The following TCF12 variants were observed in gnomAD, a reference collection of about 807,000 sequenced individuals.
TCF12 encodes transcription factor 12, also known as DNA-binding protein HTF4.
Under a neutral mutation model 86.0 loss-of-function variants are expected in TCF12, and 45 were observed. That is an observed-to-expected ratio of 0.52 (90% CI 0.41 to 0.67). The LOEUF (loss-of-function observed/expected upper bound fraction) is 0.67, where lower values mean the gene tolerates loss of function less well. Among genes scored for constraint, TCF12 ranks in the 30% least tolerant of loss-of-function variants. The probability of loss-of-function intolerance (pLI) is 0.00; values close to 1 mark genes in which losing one functional copy is unlikely to be tolerated. For synonymous variants in TCF12, 330 were observed against 299.6 expected (o/e 1.10, Z -1.05); for missense variants, 881 against 859.9 (o/e 1.02, Z -0.31).
intron 8 of TCF12, among the ~76,000 whole-genome samples, chr15:57,211,472 TA>T (rs1187210861): frequency 3.3e-5 from 5 of 152,154 alleles, no homozygotes; most frequent in African/African-American, 1.2e-4. Context: ...GCAATGGAGT[TA>T]TATATAACTA....
intron 18 of TCF12, among the ~76,000 whole-genome samples, chr15:57,272,179 C>A (rs1223466714): frequency 6.6e-6 from 1 of 152,168 alleles, no homozygotes; most frequent in African/African-American, 2.4e-5. Flanking sequence ...AACCCATTTG[C>A]TATTATTAAA....
intron 5 of TCF12, 48 bp downstream of exon 5, chr15:57,091,939 C>A: frequency 1.3e-6 from 2 of 1,515,056 alleles, no homozygotes; most frequent in South Asian, 1.1e-5. Flanking sequence ...CTTCTTTGGT[C>A]AGAGACATTT....
intron 3 of TCF12, among the ~76,000 whole-genome samples, chr15:57,037,331 C>T (rs2066565832): frequency 6.6e-6 from 1 of 152,042 alleles, no homozygotes; most frequent in Non-Finnish European, 1.5e-5. Context: ...ATCCCAGCAA[C>T]TTGGGAGGCT....
At chr15:57,227,727 G>T (rs72733934) in intron 8 of TCF12, among the ~76,000 whole-genome samples, 9,293 of 152,080 alleles carry the variant, frequency 0.061, 395 homozygotes, top group South Asian at 0.091. Flanking sequence ...ATTCTTAGAG[G>T]GGAAAGTATA....
intron 4 of TCF12, among the ~76,000 whole-genome samples, chr15:57,090,179 G>C (rs553649812): frequency 1.3e-5 from 2 of 152,056 alleles, no homozygotes; most frequent in Non-Finnish European, 2.9e-5. Flanking sequence ...TCACGCCACT[G>C]CACTCCAGCC....
intron 6 of TCF12, among the ~76,000 whole-genome samples, chr15:57,176,506 A>G (rs1203244956): frequency 6.6e-6 from 1 of 152,194 alleles, no homozygotes; most frequent in African/African-American, 2.4e-5. Context: ...ACTTGACCCT[A>G]TAAGCATAAT....
chr15:57,135,923 T>A (rs2052486892), intron 5 of TCF12, among the ~76,000 whole-genome samples: 2 of 146,120 alleles, frequency 1.4e-5, no homozygotes, highest in Non-Finnish European at 3.1e-5. Context: ...GGGGAAAAAA[T>A]CTGGATTTTT....
Position 57,287,071 on chromosome 15 carries a change from A to G in TCF12, c.*926A>G, listed in dbSNP as rs1164668489. On this transcript the variant is annotated 3_prime_UTR_variant, in exon 21 of 21. Transcript: ENST00000333725. ...TCTCATAGGAAAGCTTGTAATAGCA[A>G]AATTGTAAATTACAAGGGAAGAATC... 3.1e-5 allele frequency: 5 copies of G among 161,954 alleles called. No homozygotes were observed. Among genetic ancestry groups the G allele is most frequent in the African/African-American group, 1.2e-4 (5 of 41,602 alleles). The allele number at this position is 161,954 out of a possible 1,614,324, so 10.0% of individuals were successfully genotyped here. A position where few individuals can be genotyped will look rare whatever the true frequency, so the allele number is the denominator to read the frequency against.
At chr15:57,285,800 AC>A (rs1469342692) in intron 20 of TCF12, among the ~76,000 whole-genome samples, 1 of 152,140 alleles carries the variant, frequency 6.6e-6, no homozygotes, top group Non-Finnish European at 1.5e-5. Flanking sequence ...GTGGTGGTGC[AC>A]ACCTGTAGTC....
intron 5 of TCF12, among the ~76,000 whole-genome samples, chr15:57,129,534 C>A (rs749272705): frequency 6.6e-6 from 1 of 152,158 alleles, no homozygotes; most frequent in Non-Finnish European, 1.5e-5. Flanking sequence ...CCCTAGGCAA[C>A]AGAGTAAAAC....
At position 57,252,699 on chromosome 15, in the gene TCF12, T is replaced by C. The variant is rs545584128; in HGVS notation, c.1260+207T>C. On this transcript the variant is annotated intron_variant, in intron 15 of 20. Transcript: ENST00000333725. The stretch of plus-strand genomic sequence containing the variant: ...TTAAAACAGCTCTACTGGCATGTGC[T>C]TTTGATTTTTTTAATTCTAATATGT... Among the ~76,000 whole-genome samples the C allele has an allele frequency of 3.3e-5, 5 of 152,308 alleles. No homozygotes were observed. In the East Asian group the frequency reaches 9.6e-4, roughly 29 times the overall value.
At chr15:57,226,484 A>G (rs2058886135) in intron 8 of TCF12, among the ~76,000 whole-genome samples, 1 of 152,140 alleles carries the variant, frequency 6.6e-6, no homozygotes, top group Admixed American at 6.5e-5. Flanking sequence ...AGCGTGTGTT[A>G]AAGTGTTTAA....
intron 15 of TCF12, 138 bp from the exon 16 acceptor site, chr15:57,253,124 C>T (rs2060194700): frequency 3.7e-6 from 3 of 801,222 alleles, no homozygotes; most frequent in Non-Finnish European, 6.0e-6. Flanking sequence ...ATTTATAGTT[C>T]AGGTGGTTGC....
chr15:57,090,613 G>A (rs1463730893), intron 4 of TCF12, among the ~76,000 whole-genome samples: 2 of 152,098 alleles, frequency 1.3e-5, no homozygotes, highest in Non-Finnish European at 2.9e-5. Flanking sequence ...AAGATAGTGA[G>A]GCCTGTTTCA....
chr15:57,136,958 GTTTTTTTTTTTGTTTTTTTTTTTT>G lies in TCF12; in HGVS notation c.326-29432_326-29409del, dbSNP rs1422145167. Among the ~76,000 whole-genome samples the G allele has an allele frequency of 5.4e-3, 449 of 83,052 alleles. 7 individuals carry two copies. Among genetic ancestry groups the G allele is most frequent in the Admixed American group, 6.2e-3 (38 of 6,174 alleles). The allele number at this position is 83,052 out of a possible 152,430, so 54.5% of individuals were successfully genotyped here. ...TAGACAATAGCCACTGCTTCTGGCAGTTTTTTTTTTTGTTTTTTTTTTTTTTTTTTTTTTTTTTTGAGACGGAGT... is the reference window on the plus strand; with the variant it reads ...TAGACAATAGCCACTGCTTCTGGCAGTTTTTTTTTTTTTTTGAGACGGAGT... On this transcript the variant is annotated intron_variant, in intron 5 of 20. Transcript: ENST00000333725.
chr15:57,253,609 GTA>G, intron 16 of TCF12, 141 bp downstream of exon 16: 1 of 923,164 alleles, frequency 1.1e-6, no homozygotes, highest in Non-Finnish European at 1.6e-6. Context: ...GTCTTTGGCA[GTA>G]AAGTATTGGC....
chr15:57,117,851 C>T (rs1287988468), intron 5 of TCF12, among the ~76,000 whole-genome samples: 2 of 152,140 alleles, frequency 1.3e-5, no homozygotes, highest in African/African-American at 2.4e-5. Context: ...AAACATGGAA[C>T]GCTTGCAGAT....
At chr15:57,174,784 C>T (rs1425843489) in intron 6 of TCF12, among the ~76,000 whole-genome samples, 1 of 151,994 alleles carries the variant, frequency 6.6e-6, no homozygotes, top group Non-Finnish European at 1.5e-5. Context: ...TAGTAGTATC[C>T]AAAAGCGTGA....
intron 3 of TCF12, among the ~76,000 whole-genome samples, chr15:56,934,132 G>A (rs2060366197): frequency 6.6e-6 from 1 of 152,040 alleles, no homozygotes; most frequent in Non-Finnish European, 1.5e-5. Context: ...CCAAACCATA[G>A]AGCCCCCATA....
Sources: gnomAD v4.1 joint callset for allele counts (sites outside exome capture counted in the v4.1 genomes callset) on GRCh38, gnomAD v4.1.1 for gene constraint, MANE v1.5 for transcripts, NCBI Gene and HGNC (gene_info 2026-07-23, HGNC 2026-07-21) for gene names.